The following VASH2 variants were observed in gnomAD, a reference collection of about 807,000 sequenced individuals.
The protein encoded by VASH2 is vasohibin 2.
Under a neutral mutation model 37.2 loss-of-function variants are expected in VASH2, and 28 were observed. That is an observed-to-expected ratio of 0.75 (90% CI 0.56 to 1.03). The LOEUF (loss-of-function observed/expected upper bound fraction) is 1.03. VASH2 is among the 50% of genes least tolerant of loss of function. The probability of loss-of-function intolerance (pLI) is 0.00; values close to 1 mark genes in which losing one functional copy is unlikely to be tolerated. For synonymous variants in VASH2, 188 were observed against 174.7 expected, an observed-to-expected ratio of 1.08 and a Z score of -0.60; for missense variants, 419 against 459.1, an observed-to-expected ratio of 0.91 and a Z score of 0.80.
chr1:212,957,730 C>A (rs1251522687), intron 2 of VASH2, among the ~76,000 whole-genome samples: 1 of 151,844 alleles, frequency 6.6e-6, no homozygotes, highest in Non-Finnish European at 1.5e-5. Flanking sequence ...CCTGCCTCAG[C>A]CTGCCAAGTA....
chr1:212,963,587 T>A (rs1666746267), intron 3 of VASH2, among the ~76,000 whole-genome samples: 1 of 138,978 alleles, frequency 7.2e-6, no homozygotes, highest in Non-Finnish European at 1.6e-5. Context: ...TTGCATGGGG[T>A]TCTGGAGAGA....
At chr1:212,965,470 C>T (rs780165823) in intron 3 of VASH2, among the ~76,000 whole-genome samples, 4 of 152,076 alleles carry the variant, frequency 2.6e-5, no homozygotes, top group African/African-American at 4.8e-5. Context: ...GTCAACTACC[C>T]GGAATACAGA....
intron 2 of VASH2, among the ~76,000 whole-genome samples, chr1:212,954,783 C>T (rs887875864): frequency 6.6e-6 from 1 of 152,186 alleles, no homozygotes; most frequent in Non-Finnish European, 1.5e-5. Flanking sequence ...GAAGGTTACG[C>T]GAAAACTGCT....
intron 7 of VASH2, among the ~76,000 whole-genome samples, chr1:212,982,296 T>C (rs774042777): frequency 6.6e-6 from 1 of 152,180 alleles, no homozygotes; most frequent in Non-Finnish European, 1.5e-5. Context: ...TTTCTACTCT[T>C]TTTCCCCTAA....
intron 3 of VASH2, among the ~76,000 whole-genome samples, chr1:212,964,527 C>T (rs1454877534): frequency 6.6e-6 from 1 of 152,216 alleles, no homozygotes; most frequent in Non-Finnish European, 1.5e-5. Context: ...TCAGAGAGCA[C>T]GGCATCAGGG....
At chr1:212,983,648 C>T (rs1016082190) in intron 7 of VASH2, among the ~76,000 whole-genome samples, 1 of 152,158 alleles carries the variant, frequency 6.6e-6, no homozygotes, top group Non-Finnish European at 1.5e-5. Flanking sequence ...CCAGAGCATA[C>T]AGAGCAAGTA....
chr1:212,955,156 G>T (rs937244056), intron 2 of VASH2, among the ~76,000 whole-genome samples: 7 of 152,212 alleles, frequency 4.6e-5, no homozygotes, highest in African/African-American at 1.7e-4. Flanking sequence ...GGTGGTAAAA[G>T]CTTGGCAGGC....
Position 212,989,648 on chromosome 1 carries a change from C to A in VASH2, c.*1064C>A, listed in dbSNP as rs1211441602. ...ACCAAATGTGACATGATGTGATTATCTTCCAGTACTTTGCTTTTAGGTACC... is the reference window on the plus strand; with the variant it reads ...ACCAAATGTGACATGATGTGATTATATTCCAGTACTTTGCTTTTAGGTACC... On this transcript the variant is annotated 3_prime_UTR_variant, in exon 8 of 8. Coordinates refer to ENST00000517399, the MANE Select transcript of VASH2 (RefSeq NM_001301056.2). 5 of 152,074 alleles carry A rather than the reference C, an allele frequency of 3.3e-5. No homozygotes were observed. The highest frequency in any genetic ancestry group is 1.2e-4 in the African/African-American group (5 of 41,384). The allele number at this position is 152,074 out of a possible 1,614,324, so 9.4% of individuals were successfully genotyped here. A position where few individuals can be genotyped will look rare whatever the true frequency, so the allele number is the denominator to read the frequency against.
intron 3 of VASH2, among the ~76,000 whole-genome samples, chr1:212,964,759 C>T (rs113959590): frequency 6.6e-5 from 10 of 152,282 alleles, no homozygotes; most frequent in African/African-American, 2.2e-4. Context: ...ACAATCCACC[C>T]TTTCATCCTT....
intron 3 of VASH2, among the ~76,000 whole-genome samples, chr1:212,963,484 T>A (rs1318651500): frequency 6.6e-6 from 1 of 152,166 alleles, no homozygotes; most frequent in Non-Finnish European, 1.5e-5. Context: ...CAGTCCTGAC[T>A]GTGAATGTGC....
rs1553278419 is a variant in VASH2 at position 212,990,317 on chromosome 1, A to T, written c.*1733A>T. 5 of 152,238 alleles carry T rather than the reference A, an allele frequency of 3.3e-5. No individual in the cohort carries two copies. Among genetic ancestry groups the T allele is most frequent in the Non-Finnish European group, 7.3e-5 (5 of 68,030 alleles). 9.4% of individuals were successfully genotyped at this position (152,238 alleles called of 1,614,324 possible). A position where few individuals can be genotyped will look rare whatever the true frequency, so the allele number is the denominator to read the frequency against. ...AAATTATCAGTTTAATCTCTTTAAG[A>T]ACAGTATTATCAGAGTTTAAAATGA... On this transcript the variant is annotated 3_prime_UTR_variant, in exon 8 of 8. Coordinates refer to ENST00000517399, the MANE Select transcript of VASH2 (RefSeq NM_001301056.2).
At chr1:212,965,816 T>C in intron 4 of VASH2, 38 bp downstream of exon 4, 4 of 1,533,934 alleles carry the variant, frequency 2.6e-6, no homozygotes, top group Non-Finnish European at 3.5e-6. Context: ...ATGACCTCTC[T>C]CCTACATTCG....
chr1:212,975,221 G>A (rs949760312), intron 7 of VASH2, among the ~76,000 whole-genome samples: 3 of 151,750 alleles, frequency 2.0e-5, no homozygotes, highest in African/African-American at 4.9e-5. Flanking sequence ...TTCTGTTTTC[G>A]GAAGAACAGG....
rs896813346 is a variant in VASH2, at chr1:212,988,730, G to A, written c.*146G>A. ...ACCTGGAAATAGAATCTGAGTGGGT[G>A]GTAACCATTAGCTTTAAAAAATTCA... On this transcript the variant is annotated 3_prime_UTR_variant, in exon 8 of 8. Transcript: ENST00000517399. 1.1e-6 allele frequency: 1 copy of A among 880,262 alleles called. No homozygotes were observed. Among genetic ancestry groups the A allele is most frequent in the South Asian group, 1.6e-5 (1 of 63,028 alleles). 54.5% of individuals were successfully genotyped at this position (880,262 alleles called of 1,614,324 possible).
In VASH2 at chr1:212,972,618, C is replaced by G. The variant is rs1667042296; in HGVS notation, c.536C>G (p.Pro179Arg). Residue 179 changes from proline to arginine, a missense_variant, in exon 6 of 8, where the codon CCC becomes CGC. Around this residue, in one of 3 missense-constraint regions of VASH2, gnomAD observed 84 missense variants for 129.9 expected, o/e 0.65. Transcript: ENST00000517399. ...GGGCAGCCTTCCATTGAGCGGTTCCCCATCAGCTTTAAAACCTACTTCTCA... is the reference window on the plus strand; with the variant it reads ...GGGCAGCCTTCCATTGAGCGGTTCCGCATCAGCTTTAAAACCTACTTCTCA... ...TNGQPSIERFPISFKTYFSGN... is the reference protein window; with the variant it reads ...TNGQPSIERFRISFKTYFSGN... The G allele has an allele frequency of 6.2e-7, 1 of 1,614,144 alleles. No individual in the cohort carries two copies.
intron 3 of VASH2, 126 bp from the exon 4 acceptor site, chr1:212,965,596 T>C (rs962872427): frequency 7.7e-6 from 6 of 778,788 alleles, no homozygotes; most frequent in African/African-American, 7.0e-5. Flanking sequence ...ACCTTCTGGG[T>C]GCTGGCGACT....
At chr1:212,987,799 G>A (rs558120455) in intron 7 of VASH2, among the ~76,000 whole-genome samples, 11 of 152,322 alleles carry the variant, frequency 7.2e-5, no homozygotes, top group South Asian at 6.2e-4. Context: ...AGGCATAATC[G>A]TATATTGGAA....
chr1:212,978,180 T>C (rs1013387070), intron 7 of VASH2, among the ~76,000 whole-genome samples: 3 of 152,200 alleles, frequency 2.0e-5, no homozygotes, highest in Non-Finnish European at 4.4e-5. Flanking sequence ...GGGGCCAGAC[T>C]GGGCCTCCGG....
intron 2 of VASH2, among the ~76,000 whole-genome samples, chr1:212,955,240 A>C (rs1242331528): frequency 6.6e-6 from 1 of 152,188 alleles, no homozygotes; most frequent in Non-Finnish European, 1.5e-5. Flanking sequence ...GGAGGTTTTC[A>C]AGGGCCTGCA....
Sources: gnomAD v4.1 joint callset for allele counts (sites outside exome capture counted in the v4.1 genomes callset) on GRCh38, gnomAD v4.1.1 for gene constraint, gnomAD v4.1.1 regional missense constraint, MANE v1.5 for transcripts, NCBI Gene and HGNC (gene_info 2026-07-23, HGNC 2026-07-21) for gene names.